COX7B2: variants seen among roughly 807,000 people sequenced by gnomAD.
The protein encoded by COX7B2 is cytochrome c oxidase subunit 7B2.
For missense variants in COX7B2, 109 were observed against 95.9 expected, an observed-to-expected ratio of 1.14 and a Z score of -0.57; for synonymous variants, 37 against 32.1, an observed-to-expected ratio of 1.15 and a Z score of -0.51.
In COX7B2 at chr4:46,844,977, C is replaced by A. The variant is rs1203294492; in HGVS notation, c.-67G>T. On this transcript the variant is annotated 5_prime_UTR_variant, in exon 2 of 3. Coordinates refer to ENST00000355591, the MANE Select transcript of COX7B2 (RefSeq NM_130902.3). ...CTCGTTACCTGTTAGAAATCTGAAG[C>A]TCAAATGCTCTCCTCAGAAAGTTTC... 1 of 151,882 alleles carries A rather than the reference C, an allele frequency of 6.6e-6. No individual in the cohort carries two copies. Among genetic ancestry groups the A allele is most frequent in the African/African-American group, 2.4e-5 (1 of 41,386 alleles). 9.4% of individuals were successfully genotyped at this position (151,882 alleles called of 1,614,324 possible).
At chr4:46,740,015 A>AATTT (rs1398289004) in intron 2 of COX7B2, among the ~76,000 whole-genome samples, 64 of 152,164 alleles carry the variant, frequency 4.2e-4, no homozygotes, top group African/African-American at 1.5e-3. Context: ...ATTCATTTTT[A>AATTT]ATTTTTTATT....
chr4:46,760,457 A>G (rs781704810), intron 2 of COX7B2, among the ~76,000 whole-genome samples: 3 of 152,164 alleles, frequency 2.0e-5, no homozygotes, highest in Non-Finnish European at 2.9e-5. Context: ...TAACACAAGA[A>G]CAGAAAACCA....
chr4:46,887,241 G>T (rs1289690825), intron 1 of COX7B2, among the ~76,000 whole-genome samples: 1 of 152,104 alleles, frequency 6.6e-6, no homozygotes, highest in Non-Finnish European at 1.5e-5. Flanking sequence ...AAGGGTATGG[G>T]CAAAAAAGCA....
At chr4:46,859,830 C>T (rs534824170) in intron 1 of COX7B2, among the ~76,000 whole-genome samples, 2 of 152,226 alleles carry the variant, frequency 1.3e-5, no homozygotes, top group Admixed American at 6.5e-5. Flanking sequence ...TCTGAATAAC[C>T]CACCCCTTAA....
chr4:46,888,603 C>T (rs1005597932), intron 1 of COX7B2, among the ~76,000 whole-genome samples: 2 of 151,860 alleles, frequency 1.3e-5, no homozygotes, highest in African/African-American at 4.8e-5. Context: ...ACCACCATGC[C>T]TGGCTAATTT....
chr4:46,737,334 G>A (rs1490859617), intron 2 of COX7B2, among the ~76,000 whole-genome samples: 1 of 152,022 alleles, frequency 6.6e-6, no homozygotes, highest in Non-Finnish European at 1.5e-5. Flanking sequence ...GTATATTCTG[G>A]ATAACAGTCC....
chr4:46,826,425 T>G lies in COX7B2; in HGVS notation c.-50+18535A>C, dbSNP rs1044829535. ...AATGCTTATACGCTGTTGGTGGGAG[T>G]GTAAATTAGTTCAACTGTTATGGAA... is the stretch of plus-strand genomic sequence containing the variant. On this transcript the variant is annotated intron_variant, in intron 2 of 2. Transcript: ENST00000355591. Among the ~76,000 whole-genome samples the G allele has an allele frequency of 2.6e-5, 4 of 152,026 alleles. No homozygotes were observed. In the East Asian group the frequency reaches 7.7e-4, roughly 29 times the overall value.
intron 2 of COX7B2, among the ~76,000 whole-genome samples, chr4:46,781,993 C>G (rs1017442553): frequency 6.6e-6 from 1 of 152,182 alleles, no homozygotes. Flanking sequence ...GGGCGCCGCC[C>G]CCTGCTTGTG....
At chr4:46,754,276 C>T (rs1715605778) in intron 2 of COX7B2, among the ~76,000 whole-genome samples, 2 of 151,428 alleles carry the variant, frequency 1.3e-5, no homozygotes, top group African/African-American at 4.9e-5. Context: ...ATGTTTATTG[C>T]AGCACTATTC....
chr4:46,868,721 T>C (rs1717817085), intron 1 of COX7B2, among the ~76,000 whole-genome samples: 1 of 152,224 alleles, frequency 6.6e-6, no homozygotes, highest in Non-Finnish European at 1.5e-5. Context: ...GTTAATTGAA[T>C]GTGGTCCAAA....
chr4:46,746,497 T>C (rs1379559361), intron 2 of COX7B2, among the ~76,000 whole-genome samples: 2 of 152,142 alleles, frequency 1.3e-5, no homozygotes, highest in Non-Finnish European at 2.9e-5. Flanking sequence ...AGAATGGATA[T>C]TGAATGGGGC....
chr4:46,893,106 T>C (rs1719540063), intron 1 of COX7B2, among the ~76,000 whole-genome samples: 1 of 152,140 alleles, frequency 6.6e-6, no homozygotes, highest in African/African-American at 2.4e-5. Context: ...TTCTTTGTAG[T>C]AGCATGAGAA....
intron 2 of COX7B2, among the ~76,000 whole-genome samples, chr4:46,810,136 G>C (rs1034737677): frequency 4.6e-5 from 7 of 151,924 alleles, no homozygotes; most frequent in Admixed American, 3.9e-4. Flanking sequence ...CTTAAAGCTT[G>C]AGTGGGTCTC....
intron 1 of COX7B2, among the ~76,000 whole-genome samples, chr4:46,880,210 A>C (rs1054663905): frequency 1.3e-5 from 2 of 152,156 alleles, no homozygotes; most frequent in African/African-American, 4.8e-5. Flanking sequence ...ATCAATGTAC[A>C]TAAAAAATAC....
At chr4:46,907,463 T>G (rs1001782488) in intron 1 of COX7B2, among the ~76,000 whole-genome samples, 1 of 152,214 alleles carries the variant, frequency 6.6e-6, no homozygotes, top group Non-Finnish European at 1.5e-5. Flanking sequence ...ATCATGAGAC[T>G]TTTTAATTGC....
At chr4:46,742,286 C>A (rs1001330083) in intron 2 of COX7B2, among the ~76,000 whole-genome samples, 2 of 152,098 alleles carry the variant, frequency 1.3e-5, no homozygotes, top group Non-Finnish European at 1.5e-5. Context: ...TATTTCCACT[C>A]TTCTTTTTAC....
chr4:46,860,602 A>C (rs1289265532), intron 1 of COX7B2, among the ~76,000 whole-genome samples: 1 of 152,150 alleles, frequency 6.6e-6, no homozygotes, highest in Non-Finnish European at 1.5e-5. Flanking sequence ...TTAGATGGTC[A>C]ATTCAAAATC....
At chr4:46,885,011 T>C (rs937340673) in intron 1 of COX7B2, among the ~76,000 whole-genome samples, 3 of 152,116 alleles carry the variant, frequency 2.0e-5, no homozygotes, top group Admixed American at 6.6e-5. Flanking sequence ...AAAACATGTA[T>C]TGTAAAAAAG....
intron 1 of COX7B2, among the ~76,000 whole-genome samples, chr4:46,855,233 A>G (rs906080559): frequency 6.6e-6 from 1 of 152,150 alleles, no homozygotes; most frequent in Admixed American, 6.5e-5. Flanking sequence ...AGGCTGAAGC[A>G]GGAAATCGCT....
Sources: allele counts gnomAD v4.1 joint callset (sites outside exome capture counted in the v4.1 genomes callset), GRCh38; gene constraint gnomAD v4.1.1; transcripts MANE v1.5; gene names NCBI Gene and HGNC (gene_info 2026-07-23, HGNC 2026-07-21).